AMER2: variants seen among roughly 807,000 people sequenced by gnomAD.
The protein encoded by AMER2 is family with sequence similarity 123A.
AMER2 carries 1 observed loss-of-function variant against 4.7 expected under a neutral mutation model. That is an observed-to-expected ratio of 0.21 (90% CI 0.07 to 1.00). The LOEUF (loss-of-function observed/expected upper bound fraction) is 1.00, where lower values mean the gene tolerates loss of function less well. Ranked by LOEUF, AMER2 falls within the 50% of genes least tolerant of loss-of-function variation. The pLI is 0.60. For synonymous variants in AMER2, 485 were observed against 433.3 expected (o/e 1.12, Z -1.48); for missense variants, 988 against 966.9 (o/e 1.02, Z -0.29).
In AMER2 at chr13:25,167,530, A is replaced by G. The variant is rs953486251; in HGVS notation, c.*2074T>C. ...TCTGTACACAGTTGAGTGCATGAGC[A>G]CGTGAGTGTGAGATGCTTATATGAA... On this transcript the variant is annotated 3_prime_UTR_variant, in exon 1 of 1. Coordinates refer to ENST00000515384, the MANE Select transcript of AMER2 (RefSeq NM_152704.4). 2 of 152,220 alleles carry G rather than the reference A, an allele frequency of 1.3e-5. No individual in the cohort carries two copies. Among genetic ancestry groups the G allele is most frequent in the Non-Finnish European group, 2.9e-5 (2 of 68,002 alleles). 9.4% of individuals were successfully genotyped at this position (152,220 alleles called of 1,614,324 possible). A position where few individuals can be genotyped will look rare whatever the true frequency, so the allele number is the denominator to read the frequency against.
In AMER2 at chr13:25,169,985, G is replaced by A; in HGVS notation, c.1635C>T (p.Ile545=). 4 of 1,614,058 alleles carry A rather than the reference G, an allele frequency of 2.5e-6. No homozygotes were observed. Among genetic ancestry groups the A allele is most frequent in the Non-Finnish European group, 3.4e-6 (4 of 1,179,970 alleles). The part of the protein sequence containing the change: ...DSSSSGKKAG[I]PRDSYSGDAL... ...CGTCCCCGCTGTAGCTATCCCGGGGGATGCCCGCCTTCTTCCCGCTGCTCG... is the reference window on the plus strand; with the variant it reads ...CGTCCCCGCTGTAGCTATCCCGGGGAATGCCCGCCTTCTTCCCGCTGCTCG... Residue 545 remains isoleucine (I), a synonymous_variant, in exon 1 of 1, where the codon ATC becomes ATT. Coordinates refer to ENST00000515384, the MANE Select transcript of AMER2 (RefSeq NM_152704.4). The surrounding 1 kb of genome is among the most constrained non-coding windows in gnomAD (Gnocchi z 4.2).
In AMER2 at chr13:25,166,814, A is replaced by C. The variant is rs2137435769; in HGVS notation, c.*2790T>G. On this transcript the variant is annotated 3_prime_UTR_variant, in exon 1 of 1. Transcript: ENST00000515384. Reference sequence around the variant, plus strand: ...GAGAAAGTAGCCCTTGGCACAAGAAAGCAACTATGATCCCTTTTCTATGGT... The same window carrying C: ...GAGAAAGTAGCCCTTGGCACAAGAACGCAACTATGATCCCTTTTCTATGGT... 6.6e-6 allele frequency: 1 copy of C among 152,308 alleles called. No individual in the cohort carries two copies. The highest frequency in any genetic ancestry group is 6.5e-5 in the Admixed American group (1 of 15,302). 9.4% of individuals were successfully genotyped at this position (152,308 alleles called of 1,614,324 possible).
At position 25,171,113 on chromosome 13, in the gene AMER2, C is replaced by A; in HGVS notation, c.507G>T (p.Lys169Asn). 1 of 1,563,628 alleles carries A rather than the reference C, an allele frequency of 6.4e-7. No homozygotes were observed. Among genetic ancestry groups the A allele is most frequent in the Non-Finnish European group, 8.7e-7 (1 of 1,155,954 alleles). The change falls in exon 1 of 1, where the codon AAG (lysine) becomes AAT (asparagine). Residue 169 changes from lysine to asparagine, a missense_variant. Physicochemically the swap from Lys to Asn is moderately conservative, Grantham distance 94. Transcript: ENST00000515384. The surrounding 1 kb of genome is among the most constrained non-coding windows in gnomAD (Gnocchi z 5.9). The part of the protein sequence containing the change: ...KSHSFFSLLK[K>N]NGRSENGKGE... The stretch of plus-strand genomic sequence containing the variant: ...CCTTGCCGTTTTCCGAGCGCCCGTT[C>A]TTCTTCAGCAGCGAGAAGAAGCTGT...
chr13:25,170,655 G>T lies in AMER2; in HGVS notation c.965C>A (p.Thr322Lys). ...EVRTAEDASR[T>K]GAVPVKTVPL... Reference sequence around the variant, plus strand: ...GACCGTCTTTACGGGAACGGCCCCCGTCCTGGAAGCGTCCTCTGCCGTGCG... The same window carrying T: ...GACCGTCTTTACGGGAACGGCCCCCTTCCTGGAAGCGTCCTCTGCCGTGCG... Residue 322 changes from threonine (T) to lysine (K), a missense_variant, in exon 1 of 1, where the codon ACG becomes AAG. By Grantham distance (78) the Thr-to-Lys change is moderately conservative. Transcript: ENST00000515384. The surrounding 1 kb of genome is among the most constrained non-coding windows in gnomAD (Gnocchi z 7.3). The T allele has an allele frequency of 6.4e-7, 1 of 1,551,036 alleles. No individual in the cohort carries two copies. The highest frequency in any genetic ancestry group is 8.7e-7 in the Non-Finnish European group (1 of 1,147,162).
In AMER2 at chr13:25,171,758, C is replaced by T. The variant is rs1253666248; in HGVS notation, c.-139G>A. On this transcript the variant is annotated 5_prime_UTR_variant, in exon 1 of 1. Coordinates refer to ENST00000515384, the MANE Select transcript of AMER2 (RefSeq NM_152704.4). This position sits in a 1 kb window ranked among gnomAD's most constrained non-coding sequence, Gnocchi z 5.9. ...ACACATAAAAGACCATCTTCCCTCC[C>T]GCAAGGGCTTATATAATACCCTAAC... 2.1e-6 allele frequency: 3 copies of T among 1,400,090 alleles called. No homozygotes were observed. In the East Asian group the frequency reaches 8.4e-5, roughly 39 times the overall value. 86.7% of individuals were successfully genotyped at this position (1,400,090 alleles called of 1,614,324 possible).
rs540615945 is a variant in AMER2 at position 25,169,583 on chromosome 13, T to C, written c.*21A>G. 2 of 1,540,258 alleles carry C rather than the reference T, an allele frequency of 1.3e-6. No individual in the cohort carries two copies. The highest frequency in any genetic ancestry group is 2.3e-5 in the East Asian group (1 of 44,288). On this transcript the variant is annotated 3_prime_UTR_variant, in exon 1 of 1. Transcript: ENST00000515384. The surrounding 1 kb of genome is among the most constrained non-coding windows in gnomAD (Gnocchi z 4.2). ...GTTGTATTCCTTGGCATGGGGCCCA[T>C]CCACCTTGGCCTGGAAGACCTCACA...
Position 25,169,843 on chromosome 13 carries a change from T to G in AMER2, c.1777A>C (p.Thr593Pro). The change falls in exon 1 of 1, where the codon ACC becomes CCC. Residue 593 changes from threonine to proline, a missense_variant. By Grantham distance (38) the Thr-to-Pro change is conservative (BLOSUM62 -1). Transcript: ENST00000515384. This position sits in a 1 kb window ranked among gnomAD's most constrained non-coding sequence, Gnocchi z 4.2. ...RLKPVSPGTI[T>P]CPLRTPGSLL... is the part of the protein sequence containing the mutation. ...CTGCCTGGTGTTCGCAGTGGACAGG[T>G]GATGGTGCCTGGAGATACGGGCTTT... 6.2e-7 allele frequency: 1 copy of G among 1,613,932 alleles called. No homozygotes were observed.
Position 25,169,538 on chromosome 13 carries a change from T to G in AMER2, c.*66A>C. The G allele has an allele frequency of 3.3e-6, 5 of 1,511,598 alleles. No homozygotes were observed. The highest frequency in any genetic ancestry group is 4.4e-6 in the Non-Finnish European group (5 of 1,132,692). The allele number at this position is 1,511,598 out of a possible 1,614,324, so 93.6% of individuals were successfully genotyped here. A position where few individuals can be genotyped will look rare whatever the true frequency, so the allele number is the denominator to read the frequency against. Reference sequence around the variant, plus strand: ...TTCTTTAGGAAAAGCAAAACTTACTTTAGTGGTTTCCAGGGAAAAGTTGTA... The same window carrying G: ...TTCTTTAGGAAAAGCAAAACTTACTGTAGTGGTTTCCAGGGAAAAGTTGTA... On this transcript the variant is annotated 3_prime_UTR_variant, in exon 1 of 1. Coordinates refer to ENST00000515384, the MANE Select transcript of AMER2 (RefSeq NM_152704.4). The surrounding 1 kb of genome is among the most constrained non-coding windows in gnomAD (Gnocchi z 4.2).
Position 25,170,547 on chromosome 13 carries a change from G to T in AMER2, c.1073C>A (p.Ser358Ter). Residue 358 changes from serine to a stop codon, truncating the protein, a stop_gained, in exon 1 of 1, where the codon TCG (serine) becomes TAG (stop). Transcript: ENST00000515384. LOFTEE classifies it low-confidence loss of function (END_TRUNC). The surrounding 1 kb of genome is among the most constrained non-coding windows in gnomAD (Gnocchi z 7.3). ...AAACATCAAACAAATACGATCTGCC[G>T]ACGGGTCTGAGGGTGGATCGACAGA... Reference protein sequence around the residue: ...PASVDPPSDPSADRICLMFSD... With the variant: ...PASVDPPSDP The T allele has an allele frequency of 1.9e-6, 3 of 1,613,662 alleles. No individual in the cohort carries two copies. Among genetic ancestry groups the T allele is most frequent in the Non-Finnish European group, 2.5e-6 (3 of 1,179,812 alleles).
In AMER2 at chr13:25,170,424, T is replaced by C. The variant is rs1041789551; in HGVS notation, c.1196A>G (p.His399Arg). 1 of 1,614,052 alleles carries C rather than the reference T, an allele frequency of 6.2e-7. No homozygotes were observed. The highest frequency in any genetic ancestry group is 8.5e-7 in the Non-Finnish European group (1 of 1,180,040). The change falls in exon 1 of 1, where the codon CAT becomes CGT. Residue 399 changes from histidine to arginine, a missense_variant. Coordinates refer to ENST00000515384, the MANE Select transcript of AMER2 (RefSeq NM_152704.4). This position sits in a 1 kb window ranked among gnomAD's most constrained non-coding sequence, Gnocchi z 7.3. ...AGCCGGCTTGCCTGGCCCGGGGACATGCTTGTCACAGCTGGGACCTGCCTC... is the reference window on the plus strand; with the variant it reads ...AGCCGGCTTGCCTGGCCCGGGGACACGCTTGTCACAGCTGGGACCTGCCTC... ...EEEAGPSCDK[H>R]VPGPGKPALS...
rs1040039276 is a variant in AMER2, at chr13:25,164,571, A to C, written c.*5033T>G. On this transcript the variant is annotated 3_prime_UTR_variant, in exon 1 of 1. Coordinates refer to ENST00000515384, the MANE Select transcript of AMER2 (RefSeq NM_152704.4). Reference sequence around the variant, plus strand: ...AGTTTATATCCCTGTCCTAGAGACTAGGGGAAAAGAGAGAGAGAGACAGAC... The same window carrying C: ...AGTTTATATCCCTGTCCTAGAGACTCGGGGAAAAGAGAGAGAGAGACAGAC... The C allele has an allele frequency of 6.7e-6, 1 of 148,822 alleles. No homozygotes were observed. Among genetic ancestry groups the C allele is most frequent in the Non-Finnish European group, 1.5e-5 (1 of 67,610 alleles). The allele number at this position is 148,822 out of a possible 1,614,324, so 9.2% of individuals were successfully genotyped here. A position where few individuals can be genotyped will look rare whatever the true frequency, so the allele number is the denominator to read the frequency against.
rs1036487373 is a variant in AMER2, at chr13:25,168,208, T to G, written c.*1396A>C. 1 of 152,298 alleles carries G rather than the reference T, an allele frequency of 6.6e-6. No homozygotes were observed. The highest frequency in any genetic ancestry group is 2.4e-5 in the African/African-American group (1 of 41,580). 9.4% of individuals were successfully genotyped at this position (152,298 alleles called of 1,614,324 possible). On this transcript the variant is annotated 3_prime_UTR_variant, in exon 1 of 1. Transcript: ENST00000515384. ...CATCTGAAATATTAGAAAACATACA[T>G]AGAAGCAAACCACTTTTCAAAAAAA... is the stretch of plus-strand genomic sequence containing the variant.
chr13:25,171,086 T>TC lies in AMER2; in HGVS notation c.533dup (p.Glu179ArgfsTer84). On this transcript the variant is annotated frameshift_variant, in exon 1 of 1. Transcript: ENST00000515384. LOFTEE classifies it low-confidence loss of function (END_TRUNC). The surrounding 1 kb of genome is among the most constrained non-coding windows in gnomAD (Gnocchi z 5.9). The stretch of plus-strand genomic sequence containing the variant: ...CGGCCTTGCTCGCGTCCACAGGCTC[T>TC]CCCTTGCCGTTTTCCGAGCGCCCGT... The TC allele has an allele frequency of 6.4e-7, 1 of 1,567,656 alleles. No individual in the cohort carries two copies. Among genetic ancestry groups the TC allele is most frequent in the Non-Finnish European group, 8.6e-7 (1 of 1,158,208 alleles).
In AMER2 at chr13:25,170,990, G is replaced by C; in HGVS notation, c.630C>G (p.Ala210=). 1 of 1,562,724 alleles carries C rather than the reference G, an allele frequency of 6.4e-7. No homozygotes were observed. The highest frequency in any genetic ancestry group is 8.6e-7 in the Non-Finnish European group (1 of 1,156,288). The stretch of plus-strand genomic sequence containing the variant: ...CGCGCCCCTCCGCGGCCTCCGCCTT[G>C]GCCCGCTTGTCTTTCCTGTGCCAGC... The part of the protein sequence containing the change: ...GMRWHRKDKR[A]KAEAAEGRAP... The change falls in exon 1 of 1, where the codon GCC becomes GCG. Residue 210 remains alanine, a synonymous_variant. Coordinates refer to ENST00000515384, the MANE Select transcript of AMER2 (RefSeq NM_152704.4). This position sits in a 1 kb window ranked among gnomAD's most constrained non-coding sequence, Gnocchi z 7.3.
rs1212286344 is a variant in AMER2 at position 25,170,977 on chromosome 13, C to T, written c.643G>A (p.Ala215Thr). 6 of 1,550,342 alleles carry T rather than the reference C, an allele frequency of 3.9e-6. No homozygotes were observed. The highest frequency in any genetic ancestry group is 3.5e-6 in the Non-Finnish European group (4 of 1,150,412). Residue 215 changes from alanine (A) to threonine (T), a missense_variant, in exon 1 of 1, where the codon GCG (alanine) becomes ACG (threonine). Coordinates refer to ENST00000515384, the MANE Select transcript of AMER2 (RefSeq NM_152704.4). The surrounding 1 kb of genome is among the most constrained non-coding windows in gnomAD (Gnocchi z 7.3). The part of the protein sequence containing the change: ...RKDKRAKAEA[A>T]EGRAPGGGLI... ...CCGCCCCCGGGCGCGCGCCCCTCCG[C>T]GGCCTCCGCCTTGGCCCGCTTGTCT...
At position 25,170,834 on chromosome 13, in the gene AMER2, C is replaced by A; in HGVS notation, c.786G>T (p.Glu262Asp). ...SQDAPRDPAGEPAGGEEVPAP... is the reference protein window; with the variant it reads ...SQDAPRDPAGDPAGGEEVPAP... Reference sequence around the variant, plus strand: ...CGGGCACCTCCTCTCCCCCTGCGGGCTCACCTGCTGGGTCTCGCGGGGCGT... The same window carrying A: ...CGGGCACCTCCTCTCCCCCTGCGGGATCACCTGCTGGGTCTCGCGGGGCGT... Residue 262 changes from glutamate (E) to aspartate (D), a missense_variant, in exon 1 of 1, where the codon GAG becomes GAT. By Grantham distance (45) the Glu-to-Asp change is conservative. Coordinates refer to ENST00000515384, the MANE Select transcript of AMER2 (RefSeq NM_152704.4). The surrounding 1 kb of genome is among the most constrained non-coding windows in gnomAD (Gnocchi z 7.3). 1 of 1,430,682 alleles carries A rather than the reference C, an allele frequency of 7.0e-7. No homozygotes were observed. Among genetic ancestry groups the A allele is most frequent in the Non-Finnish European group, 9.1e-7 (1 of 1,101,622 alleles). 88.6% of individuals were successfully genotyped at this position (1,430,682 alleles called of 1,614,324 possible).
At position 25,162,463 on chromosome 13, in the gene AMER2, G is replaced by A. The variant is rs1436914480; in HGVS notation, c.*7141C>T. The A allele has an allele frequency of 6.6e-6, 1 of 152,182 alleles. No individual in the cohort carries two copies. Among genetic ancestry groups the A allele is most frequent in the Non-Finnish European group, 1.5e-5 (1 of 68,044 alleles). The allele number at this position is 152,182 out of a possible 1,614,324, so 9.4% of individuals were successfully genotyped here. ...GATTTATCCTGGAAGCAATGAAAATGTTAAATATTACTTTGCTAGAGTTTC... is the reference window on the plus strand; with the variant it reads ...GATTTATCCTGGAAGCAATGAAAATATTAAATATTACTTTGCTAGAGTTTC... On this transcript the variant is annotated 3_prime_UTR_variant, in exon 1 of 1. Coordinates refer to ENST00000515384, the MANE Select transcript of AMER2 (RefSeq NM_152704.4).
In AMER2 at chr13:25,171,991, A is replaced by G. The variant is rs924663863; in HGVS notation, c.-372T>C. 4 of 249,070 alleles carry G rather than the reference A, an allele frequency of 1.6e-5. No individual in the cohort carries two copies. Among genetic ancestry groups the G allele is most frequent in the South Asian group, 2.9e-4 (2 of 6,942 alleles). The allele number at this position is 249,070 out of a possible 1,614,324, so 15.4% of individuals were successfully genotyped here. On this transcript the variant is annotated 5_prime_UTR_variant, in exon 1 of 1. Transcript: ENST00000515384. This position sits in a 1 kb window ranked among gnomAD's most constrained non-coding sequence, Gnocchi z 5.9. ...GAAATGCCTCTAAAAACGACAACGCAATTCAACCCACCACAAAATGCTTGT... is the reference window on the plus strand; with the variant it reads ...GAAATGCCTCTAAAAACGACAACGCGATTCAACCCACCACAAAATGCTTGT...
rs200566409 is a variant in AMER2 at position 25,170,885 on chromosome 13, C to T, written c.735G>A (p.Ala245=). 8.9e-6 allele frequency: 13 copies of T among 1,458,182 alleles called. No individual in the cohort carries two copies. Among genetic ancestry groups the T allele is most frequent in the Non-Finnish European group, 1.1e-5 (12 of 1,113,396 alleles). 90.3% of individuals were successfully genotyped at this position (1,458,182 alleles called of 1,614,324 possible). A position where few individuals can be genotyped will look rare whatever the true frequency, so the allele number is the denominator to read the frequency against. The stretch of plus-strand genomic sequence containing the variant: ...CCTGGCTGGGCTCCTCCGGCTCGCG[C>T]GCGGCTCTGGGCGTCTCCTCCTTGA... ...ECVKEETPRA[A]REPEEPSQDA... is the part of the protein sequence containing the mutation. Residue 245 remains alanine (A), a synonymous_variant, in exon 1 of 1, where the codon GCG becomes GCA. Transcript: ENST00000515384. The surrounding 1 kb of genome is among the most constrained non-coding windows in gnomAD (Gnocchi z 7.3).
Sources: allele counts gnomAD v4.1 joint callset, GRCh38; gene constraint gnomAD v4.1.1; non-coding constraint Gnocchi (gnomAD v3.1); transcripts MANE v1.5; gene names NCBI Gene and HGNC (gene_info 2026-07-23, HGNC 2026-07-21).